The following KCNQ1 variants were observed in gnomAD, a reference collection of about 807,000 sequenced individuals.
KCNQ1 encodes potassium voltage-gated channel subfamily KQT member 1.
KCNQ1 carries 49 observed loss-of-function variants against 72.4 expected under a neutral mutation model. The observed-to-expected ratio is 0.68, with a 90% CI of 0.54 to 0.86. The LOEUF is 0.86. Among genes scored for constraint, KCNQ1 ranks in the 40% least tolerant of loss-of-function variants. KCNQ1 has a pLI of 0.00. For missense variants in KCNQ1, 790 were observed against 945.1 expected, an observed-to-expected ratio of 0.84 and a Z score of 2.15; for synonymous variants, 450 against 412.6, an observed-to-expected ratio of 1.09 and a Z score of -1.10.
chr11:2,577,663 TGA>T (rs1564822668), intron 6 of KCNQ1, among the ~76,000 whole-genome samples: 1 of 152,204 alleles, frequency 6.6e-6, no homozygotes, highest in East Asian at 1.9e-4. Context: ...GCTTTTACCC[TGA>T]GAGTTTGCCA....
intron 10 of KCNQ1, chr11:2,646,866 C>G (rs1182675277): frequency 2.5e-6 from 1 of 398,450 alleles, no homozygotes; most frequent in Non-Finnish European, 4.4e-6. Context: ...TATTGAATTC[C>G]TTTACCAGTT....
intron 11 of KCNQ1, among the ~76,000 whole-genome samples, chr11:2,754,366 T>G (rs1846268726): frequency 6.6e-6 from 1 of 152,222 alleles, no homozygotes; most frequent in African/African-American, 2.4e-5. Context: ...TCCAGTGGGT[T>G]TTTCAGGGAA....
intron 15 of KCNQ1, among the ~76,000 whole-genome samples, chr11:2,792,991 T>A (rs941327573): frequency 6.6e-6 from 1 of 150,478 alleles, no homozygotes; most frequent in Non-Finnish European, 1.5e-5. Context: ...AAGAGCCATC[T>A]GTGTGGGCGG....
At chr11:2,569,004 C>T (rs2133723788) in intron 2 of KCNQ1, among the ~76,000 whole-genome samples, 1 of 152,322 alleles carries the variant, frequency 6.6e-6, no homozygotes, top group South Asian at 2.1e-4. Flanking sequence ...CCTGCCTCAG[C>T]CTCCTGAGTA....
chr11:2,521,644 C>T (rs991366149), intron 1 of KCNQ1: 5 of 423,902 alleles, frequency 1.2e-5, no homozygotes, highest in East Asian at 7.4e-5. Flanking sequence ...TGTCTTTGCA[C>T]GTGAAGTAGG....
At chr11:2,650,300 G>C in intron 10 of KCNQ1, 2 of 398,344 alleles carry the variant, frequency 5.0e-6, no homozygotes, top group Non-Finnish European at 8.8e-6. Flanking sequence ...GTGTTCTTTT[G>C]GCAAGTCATG....
At chr11:2,699,980 C>G in intron 11 of KCNQ1, 1 of 398,312 alleles carries the variant, frequency 2.5e-6, no homozygotes. Flanking sequence ...GCTGAGGCGA[C>G]GCGGCGACCG....
At chr11:2,528,741 G>C (rs1847555280) in intron 2 of KCNQ1, among the ~76,000 whole-genome samples, 1 of 152,228 alleles carries the variant, frequency 6.6e-6, no homozygotes, top group Non-Finnish European at 1.5e-5. Flanking sequence ...AATAGTTCTA[G>C]TATCTACAAA....
chr11:2,653,163 A>G lies in KCNQ1; in HGVS notation c.1394-8798A>G. 1 of 398,742 alleles carries G rather than the reference A, an allele frequency of 2.5e-6. No individual in the cohort carries two copies. 24.7% of individuals were successfully genotyped at this position (398,742 alleles called of 1,614,324 possible). A position where few individuals can be genotyped will look rare whatever the true frequency, so the allele number is the denominator to read the frequency against. On this transcript the variant is annotated intron_variant, in intron 10 of 15. Transcript: ENST00000155840. This position sits in a 1 kb window ranked among gnomAD's most constrained non-coding sequence, Gnocchi z 5.3. ...CAGTAGAAAGCCAATGTCCCACCTT[A>G]GGAAATCCCTTTCCAAGAGTTCCCT...
At position 2,813,979 on chromosome 11, in the gene KCNQ1, G is replaced by A. The variant is rs527270169; in HGVS notation, c.1795-33788G>A. On this transcript the variant is annotated intron_variant, in intron 15 of 15. Coordinates refer to ENST00000155840, the MANE Select transcript of KCNQ1 (RefSeq NM_000218.3). This position sits in a 1 kb window ranked among gnomAD's most constrained non-coding sequence, Gnocchi z 4.4. ...GAAAGGATGAATAGAGAGATGGAGG[G>A]AAGGAGGGCTGAATAAAGAAATGGA... Among the ~76,000 whole-genome samples the A allele has an allele frequency of 6.6e-6, 1 of 152,136 alleles. No homozygotes were observed. Among genetic ancestry groups the A allele is most frequent in the Non-Finnish European group, 1.5e-5 (1 of 67,982 alleles).
At position 2,588,421 on chromosome 11, in the gene KCNQ1, C is replaced by T. The variant is rs558336746; in HGVS notation, c.1252-292C>T. On this transcript the variant is annotated intron_variant, in intron 9 of 15. Transcript: ENST00000155840. The surrounding 1 kb of genome is among the most constrained non-coding windows in gnomAD (Gnocchi z 5.6). ...CATTCTCCCCTACTGGTCACAGCCCCTGTTACCACCTCCACTGGCACCATC... is the reference window on the plus strand; with the variant it reads ...CATTCTCCCCTACTGGTCACAGCCCTTGTTACCACCTCCACTGGCACCATC... 8.0e-4 allele frequency among the ~76,000 whole-genome samples: 122 copies of T among 152,318 alleles called. No individual in the cohort carries two copies. The highest frequency in any genetic ancestry group is 2.8e-3 in the African/African-American group (117 of 41,566).
rs533081022 is a variant in KCNQ1 at position 2,844,584 on chromosome 11, C to T, written c.1795-3183C>T. ...AAAGGTGGCTGAGTGCCTCTCTACA[C>T]GGTGCCGGGACTCCCTGCCGGGAGG... On this transcript the variant is annotated intron_variant, in intron 15 of 15. Coordinates refer to ENST00000155840, the MANE Select transcript of KCNQ1 (RefSeq NM_000218.3). Among the ~76,000 whole-genome samples the T allele has an allele frequency of 3.9e-5, 6 of 152,320 alleles. No individual in the cohort carries two copies. The South Asian group carries it at 8.3e-4, about 21-fold the overall frequency.
rs1368952598 is a variant in KCNQ1, at chr11:2,450,108, A to G, written c.386+4624A>G. ...ACCCGCCTTGTCTGGGAGGTGGACG[A>G]GCCCTCCGTAGCCCTGACATTCCAA... On this transcript the variant is annotated intron_variant, in intron 1 of 15. Coordinates refer to ENST00000155840, the MANE Select transcript of KCNQ1 (RefSeq NM_000218.3). The surrounding 1 kb of genome is among the most constrained non-coding windows in gnomAD (Gnocchi z 7.9). Among the ~76,000 whole-genome samples, 1 of 152,136 alleles carries G rather than the reference A, an allele frequency of 6.6e-6. No homozygotes were observed. Among genetic ancestry groups the G allele is most frequent in the Non-Finnish European group, 1.5e-5 (1 of 68,038 alleles).
chr11:2,641,246 T>TTTC (rs1166245445), intron 10 of KCNQ1: 3 of 398,318 alleles, frequency 7.5e-6, no homozygotes, highest in African/African-American at 6.2e-5. Flanking sequence ...ATCAAACTGT[T>TTTC]TTCTATAGTA....
intron 15 of KCNQ1, among the ~76,000 whole-genome samples, chr11:2,806,312 G>GGAGGGGAGGGAGAGAC (rs1847372341): frequency 6.6e-6 from 1 of 152,176 alleles, no homozygotes; most frequent in African/African-American, 2.4e-5. Flanking sequence ...GAGGGAGAGA[G>GGAGGGGAGGGAGAGAC]GAAGGGAGGG....
chr11:2,837,861 C>T (rs1848108961), intron 15 of KCNQ1, among the ~76,000 whole-genome samples: 1 of 152,084 alleles, frequency 6.6e-6, no homozygotes, highest in African/African-American at 2.4e-5. Context: ...CGGCGAGGGA[C>T]CCTCAGCCGA....
rs972597238 is a variant in KCNQ1, at chr11:2,783,431, G to A, written c.1794+5394G>A. Reference sequence around the variant, plus strand: ...ACAAGGTATATTCTGACATTGTTGGGTGCAGTGTTATGTTCATATCCACTG... The same window carrying A: ...ACAAGGTATATTCTGACATTGTTGGATGCAGTGTTATGTTCATATCCACTG... On this transcript the variant is annotated intron_variant, in intron 15 of 15. Coordinates refer to ENST00000155840, the MANE Select transcript of KCNQ1 (RefSeq NM_000218.3). This position sits in a 1 kb window ranked among gnomAD's most constrained non-coding sequence, Gnocchi z 5.2. Among the ~76,000 whole-genome samples the A allele has an allele frequency of 6.6e-6, 1 of 152,022 alleles. No homozygotes were observed. The highest frequency in any genetic ancestry group is 1.5e-5 in the Non-Finnish European group (1 of 67,926).
Position 2,756,951 on chromosome 11 carries a change from TAAAAAAAAAA to T in KCNQ1, c.1515-11872_1515-11863del, listed in dbSNP as rs58284663. On this transcript the variant is annotated intron_variant, in intron 11 of 15. Coordinates refer to ENST00000155840, the MANE Select transcript of KCNQ1 (RefSeq NM_000218.3). ...TTTCCCAACTTGATCAAGAGCATCT[TAAAAAAAAAA>T]AAAAAAAAAAAAAAAAAAAACCCAC... Among the ~76,000 whole-genome samples the T allele has an allele frequency of 2.0e-3, 102 of 51,004 alleles. 1 individual carries two copies. The highest frequency in any genetic ancestry group is 4.5e-3 in the African/African-American group (67 of 14,992). 33.5% of individuals were successfully genotyped at this position (51,004 alleles called of 152,430 possible).
At chr11:2,581,050 C>T (rs1319802414) in intron 6 of KCNQ1, among the ~76,000 whole-genome samples, 4 of 152,200 alleles carry the variant, frequency 2.6e-5, no homozygotes, top group Non-Finnish European at 5.9e-5. Flanking sequence ...TAGGAATCAG[C>T]ATGTTCATAC....
Sources: gnomAD v4.1 joint callset for allele counts (sites outside exome capture counted in the v4.1 genomes callset) on GRCh38, gnomAD v4.1.1 for gene constraint, Gnocchi (gnomAD v3.1) non-coding constraint, MANE v1.5 for transcripts, NCBI Gene and HGNC (gene_info 2026-07-23, HGNC 2026-07-21) for gene names.